The following MYOCD variants were observed in gnomAD, a reference collection of about 807,000 sequenced individuals.
The protein encoded by MYOCD is myocardin.
MYOCD carries 32 observed loss-of-function variants against 96.1 expected under a neutral mutation model. That is an observed-to-expected ratio of 0.33 (90% CI 0.25 to 0.45). The LOEUF is 0.45. Among genes scored for constraint, MYOCD ranks in the 20% least tolerant of loss-of-function variants. The pLI is 1.00. For missense variants in MYOCD, 1,133 were observed against 1,200.6 expected, an observed-to-expected ratio of 0.94 and a Z score of 0.83; for synonymous variants, 469 against 469.0, an observed-to-expected ratio of 1.00 and a Z score of 0.00.
intron 7 of MYOCD, among the ~76,000 whole-genome samples, chr17:12,743,821 G>C (rs965205199): frequency 5.2e-4 from 79 of 152,104 alleles, no homozygotes; most frequent in Non-Finnish European, 1.0e-4. Flanking sequence ...TCTACAAGTA[G>C]TCTCAAGATC....
At chr17:12,677,482 A>G (rs955950571) in intron 1 of MYOCD, among the ~76,000 whole-genome samples, 9 of 152,022 alleles carry the variant, frequency 5.9e-5, no homozygotes, top group Admixed American at 3.3e-4. Context: ...GGAGGCCAAG[A>G]TGGGCGGATC....
At chr17:12,719,062 C>T (rs187632267) in intron 4 of MYOCD, among the ~76,000 whole-genome samples, 23 of 150,928 alleles carry the variant, frequency 1.5e-4, no homozygotes, top group African/African-American at 5.1e-4. Flanking sequence ...GTAGTCCCAG[C>T]TACTCAGGAG....
chr17:12,728,698 C>T (rs1222457300), intron 5 of MYOCD, among the ~76,000 whole-genome samples: 3 of 152,284 alleles, frequency 2.0e-5, no homozygotes, highest in Middle Eastern at 3.4e-3. Flanking sequence ...AGGCTTGTCT[C>T]GAACTCCCCA....
rs1555533319 is a variant in MYOCD at position 12,733,885 on chromosome 17, A to AAAAG, written c.416-2268_416-2265dup. On this transcript the variant is annotated intron_variant, in intron 5 of 13. Coordinates refer to ENST00000425538, the MANE Select transcript of MYOCD (RefSeq NM_001146312.3). Reference sequence around the variant, plus strand: ...CGTCTCAAAAAAAAGAAAAAAGAAAAAAAGAAAGAAATGAGAAAATGTGCC... The same window carrying AAAAG: ...CGTCTCAAAAAAAAGAAAAAAGAAAAAAAGAAAGAAAGAAATGAGAAAATGTGCC... Among the ~76,000 whole-genome samples, 49 of 139,806 alleles carry AAAAG rather than the reference A, an allele frequency of 3.5e-4. 5 individuals are homozygous for AAAAG. Among genetic ancestry groups the AAAAG allele is most frequent in the African/African-American group, 8.6e-4 (32 of 37,200 alleles). 91.7% of individuals were successfully genotyped at this position (139,806 alleles called of 152,430 possible).
chr17:12,760,951 G>T (rs944814330), intron 13 of MYOCD: 1 of 427,628 alleles, frequency 2.3e-6, no homozygotes. Context: ...TAGTTTTCAT[G>T]TTTCAGCCTA....
chr17:12,698,702 A>G (rs2030898888), intron 1 of MYOCD, among the ~76,000 whole-genome samples: 1 of 151,328 alleles, frequency 6.6e-6, no homozygotes, highest in African/African-American at 2.4e-5. Flanking sequence ...TATAGAAGCA[A>G]AGAAATTTTG....
At chr17:12,704,892 A>G (rs1246394241) in intron 1 of MYOCD, 6 of 482,002 alleles carry the variant, frequency 1.2e-5, no homozygotes, top group African/African-American at 8.0e-5. Context: ...ATCACTTCAA[A>G]GAGGAGACAA....
chr17:12,722,089 A>G (rs1317210051), intron 4 of MYOCD, among the ~76,000 whole-genome samples: 1 of 152,218 alleles, frequency 6.6e-6, no homozygotes, highest in Admixed American at 6.5e-5. Flanking sequence ...TTCTAGATTT[A>G]TGAAGTTGAG....
chr17:12,736,355 A>G lies in MYOCD; in HGVS notation c.591+19A>G. The G allele has an allele frequency of 6.2e-7, 1 of 1,609,860 alleles. No homozygotes were observed. Among genetic ancestry groups the G allele is most frequent in the Non-Finnish European group, 8.5e-7 (1 of 1,177,240 alleles). ...AAACCAGGTAAAAAACAAAACAAAC[A>G]AACGAAAAAAGTAAAACAGCATCTC... On this transcript the variant is annotated intron_variant, in intron 6 of 13. Coordinates refer to ENST00000425538, the MANE Select transcript of MYOCD (RefSeq NM_001146312.3).
intron 5 of MYOCD, among the ~76,000 whole-genome samples, chr17:12,729,084 G>A (rs933802674): frequency 4.6e-5 from 7 of 152,198 alleles, no homozygotes; most frequent in Non-Finnish European, 7.3e-5. Flanking sequence ...AAGGCAGCTA[G>A]ATAATAACCA....
chr17:12,715,611 A>T, intron 3 of MYOCD, 37 bp downstream of exon 3: 2 of 1,529,916 alleles, frequency 1.3e-6, no homozygotes, highest in Non-Finnish European at 1.8e-6. Context: ...AGCTTAGACT[A>T]TAGGTTATGA....
intron 1 of MYOCD, among the ~76,000 whole-genome samples, chr17:12,703,043 T>C (rs960743553): frequency 1.3e-5 from 2 of 152,038 alleles, no homozygotes; most frequent in South Asian, 4.1e-4. Context: ...AAGCATTTCT[T>C]GTAAGAAATT....
chr17:12,715,432 A>T (rs1456127475), intron 2 of MYOCD, 87 bp from the exon 3 acceptor site: 1 of 1,130,962 alleles, frequency 8.8e-7, no homozygotes, highest in African/African-American at 1.5e-5. Flanking sequence ...TACTGTGCAT[A>T]GCTCAGCAAG....
At chr17:12,671,204 C>G (rs1354238739) in intron 1 of MYOCD, among the ~76,000 whole-genome samples, 1 of 152,124 alleles carries the variant, frequency 6.6e-6, no homozygotes, top group Non-Finnish European at 1.5e-5. Flanking sequence ...CCAGTCATTT[C>G]ATATCATCTA....
At chr17:12,709,631 T>C (rs182520118) in intron 2 of MYOCD, among the ~76,000 whole-genome samples, 4 of 152,300 alleles carry the variant, frequency 2.6e-5, no homozygotes, top group Middle Eastern at 3.4e-3. Flanking sequence ...ATCTCCAAAA[T>C]CTCACCTCTA....
At chr17:12,704,485 G>A (rs551573215) in intron 1 of MYOCD, among the ~76,000 whole-genome samples, 1 of 152,112 alleles carries the variant, frequency 6.6e-6, no homozygotes, top group Non-Finnish European at 1.5e-5. Context: ...ATTTTACAGT[G>A]TTTTAATTTT....
intron 1 of MYOCD, among the ~76,000 whole-genome samples, chr17:12,686,010 G>A (rs2030099842): frequency 6.6e-6 from 1 of 152,150 alleles, no homozygotes; most frequent in Non-Finnish European, 1.5e-5. Flanking sequence ...GGGTCACTTT[G>A]GTACCCTGCA....
chr17:12,713,327 A>G (rs1440541265), intron 2 of MYOCD, among the ~76,000 whole-genome samples: 1 of 152,206 alleles, frequency 6.6e-6, no homozygotes, highest in African/African-American at 2.4e-5. Context: ...AGTGTTTCTT[A>G]GAACAATTAA....
rs1178462358 is a variant in MYOCD, at chr17:12,767,021, AG to A, written c.*3383del. The A allele has an allele frequency of 6.6e-6, 1 of 150,752 alleles. No homozygotes were observed. Among genetic ancestry groups the A allele is most frequent in the East Asian group, 2.0e-4 (1 of 5,066 alleles). 9.3% of individuals were successfully genotyped at this position (150,752 alleles called of 1,614,324 possible). ...CGAGGAAGGAAGATAGGAGATGGGT[AG>A]GGGGGTAAAGAGAAAAGGAGGGAGA... On this transcript the variant is annotated 3_prime_UTR_variant, in exon 14 of 14. Transcript: ENST00000425538.
Sources: gnomAD v4.1 joint callset for allele counts (sites outside exome capture counted in the v4.1 genomes callset) on GRCh38, gnomAD v4.1.1 for gene constraint, MANE v1.5 for transcripts, NCBI Gene and HGNC (gene_info 2026-07-23, HGNC 2026-07-21) for gene names.